Variants in TMCO4 observed in about 807,000 individuals in gnomAD.
TMCO4 encodes the protein transmembrane and coiled-coil domains 4, also known as transmembrane and coiled-coil domain-containing protein 4.
Under a neutral mutation model 64.7 loss-of-function variants are expected in TMCO4, and 58 were observed. That is an observed-to-expected ratio of 0.90 (90% CI 0.73 to 1.12). The LOEUF (loss-of-function observed/expected upper bound fraction) is 1.12. TMCO4 is among the 50% of genes most tolerant of loss of function. TMCO4 has a pLI of 0.00. For synonymous variants in TMCO4, 325 were observed against 346.1 expected, an observed-to-expected ratio of 0.94 and a Z score of 0.68; for missense variants, 780 against 825.9, an observed-to-expected ratio of 0.94 and a Z score of 0.68.
At chr1:19,738,690 C>T (rs976010316) in intron 12 of TMCO4, among the ~76,000 whole-genome samples, 20 of 152,216 alleles carry the variant, frequency 1.3e-4, no homozygotes, top group Admixed American at 1.1e-3. Context: ...TTGACAAAGA[C>T]GCAGGGATTG....
chr1:19,729,188 C>T lies in TMCO4; in HGVS notation c.1264+8184G>A, dbSNP rs751995708. ...TTTTTGAGACAGAATCTTGCTGTGT[C>T]GCCTAGGCTAGAGTACAGTGGCCCA... On this transcript the variant is annotated intron_variant, in intron 13 of 15. Transcript: ENST00000294543. Among the ~76,000 whole-genome samples the T allele has an allele frequency of 9.9e-5, 15 of 152,020 alleles. No individual in the cohort carries two copies. In the East Asian group the frequency reaches 2.0e-3, roughly 20 times the overall value.
intron 13 of TMCO4, among the ~76,000 whole-genome samples, chr1:19,713,709 TCAACAACAACAACAA>T (rs532380283): frequency 6.6e-6 from 1 of 150,918 alleles, no homozygotes; most frequent in Non-Finnish European, 1.5e-5. Context: ...TAAAAATATA[TCAACAACAACAACAA>T]CAACAACAAA....
intron 4 of TMCO4, among the ~76,000 whole-genome samples, chr1:19,774,713 A>G (rs571443801): frequency 3.9e-5 from 6 of 152,326 alleles, no homozygotes; most frequent in Non-Finnish European, 8.8e-5. Context: ...ACAATTGTAG[A>G]GCAACTGTCC....
chr1:19,698,915 G>A (rs955362987), intron 14 of TMCO4, among the ~76,000 whole-genome samples: 9 of 152,202 alleles, frequency 5.9e-5, no homozygotes, highest in South Asian at 2.1e-4. Flanking sequence ...AATCATGTGC[G>A]GCGGGGTGCA....
At chr1:19,705,761 G>A (rs770948066) in intron 13 of TMCO4, among the ~76,000 whole-genome samples, 47 of 151,252 alleles carry the variant, frequency 3.1e-4, no homozygotes, top group Non-Finnish European at 5.5e-4. Context: ...GGAAAAAGAC[G>A]ATACTGGCTG....
intron 7 of TMCO4, among the ~76,000 whole-genome samples, chr1:19,755,070 C>G (rs770943602): frequency 6.6e-6 from 1 of 152,118 alleles, no homozygotes; most frequent in African/African-American, 2.4e-5. Flanking sequence ...TGTCAGGGCC[C>G]CAGGATGTTA....
At chr1:19,751,837 A>G (rs2042034026) in intron 7 of TMCO4, among the ~76,000 whole-genome samples, 1 of 152,100 alleles carries the variant, frequency 6.6e-6, no homozygotes, top group Non-Finnish European at 1.5e-5. Flanking sequence ...TCACGAGGTC[A>G]GGAGATCGAG....
chr1:19,683,638 T>C (rs1035434618), intron 15 of TMCO4, among the ~76,000 whole-genome samples, 194 bp from the exon 16 acceptor site: 3 of 152,178 alleles, frequency 2.0e-5, no homozygotes, highest in Non-Finnish European at 4.4e-5. Flanking sequence ...AAAGCTGTTC[T>C]AGAATTTATT....
At chr1:19,745,951 C>T (rs1219433500) in intron 9 of TMCO4, among the ~76,000 whole-genome samples, 1 of 152,188 alleles carries the variant, frequency 6.6e-6, no homozygotes, top group Non-Finnish European at 1.5e-5. Flanking sequence ...CTCCTGCCCA[C>T]ACACCGCAGG....
chr1:19,735,882 G>A (rs1006248566), intron 13 of TMCO4, among the ~76,000 whole-genome samples: 2 of 152,196 alleles, frequency 1.3e-5, no homozygotes, highest in African/African-American at 4.8e-5. Context: ...GAAGCAAAAT[G>A]ATGACAGCAG....
chr1:19,697,025 T>C (rs1255570500), intron 14 of TMCO4, among the ~76,000 whole-genome samples: 2 of 152,230 alleles, frequency 1.3e-5, no homozygotes, highest in African/African-American at 4.8e-5. Flanking sequence ...CCTCAGGTTA[T>C]CTTAGCTTTC....
rs552239386 is a variant in TMCO4, at chr1:19,739,955, C to A, written c.1048G>T (p.Val350Leu). 42 of 1,612,570 alleles carry A rather than the reference C, an allele frequency of 2.6e-5. 1 individual carries two copies. The South Asian group carries it at 4.4e-4, about 17-fold the overall frequency. The stretch of plus-strand genomic sequence containing the variant: ...GAGGCTGGCCAGGTCAGGGCAGCCA[C>A]AATGCCTGGGGAGGTGAGATAGTGA... ...ALKYTVLSGI[V>L]AALTWPASLL... is the part of the protein sequence containing the mutation. Residue 350 changes from valine to leucine, a missense_variant, in exon 12 of 16, where the codon GTG (valine) becomes TTG (leucine). By Grantham distance (32) the Val-to-Leu change is conservative. Transcript: ENST00000294543.
At chr1:19,719,639 T>C (rs1454462520) in intron 13 of TMCO4, among the ~76,000 whole-genome samples, 1 of 152,018 alleles carries the variant, frequency 6.6e-6, no homozygotes, top group Non-Finnish European at 1.5e-5. Flanking sequence ...AATGATCCTC[T>C]GGACTCAGTC....
rs145902797 is a variant in TMCO4, at chr1:19,739,897, G to C, written c.1106C>G (p.Pro369Arg). ...LLSVANVIDN[P>R]WGVCLHRSAE... is the part of the protein sequence containing the mutation. ...TGATCGATGGAGACACACCCCCCAG[G>C]GGTTGTCGATGACATTGGCGACACT... The change falls in exon 12 of 16, where the codon CCC (proline) becomes CGC (arginine). Residue 369 changes from proline to arginine, a missense_variant. By Grantham distance (103) the Pro-to-Arg change is moderately radical. Coordinates refer to ENST00000294543, the MANE Select transcript of TMCO4 (RefSeq NM_181719.7). The C allele has an allele frequency of 6.2e-7, 1 of 1,614,036 alleles. No individual in the cohort carries two copies. The highest frequency in any genetic ancestry group is 1.3e-5 in the African/African-American group (1 of 75,034).
chr1:19,777,411 G>A (rs1180810873), intron 4 of TMCO4, among the ~76,000 whole-genome samples: 7 of 149,604 alleles, frequency 4.7e-5, no homozygotes, highest in East Asian at 2.0e-4. Context: ...GCAGTGGCAC[G>A]ATCACAGCTC....
chr1:19,780,068 T>G (rs1300878936), intron 4 of TMCO4, among the ~76,000 whole-genome samples: 1 of 152,044 alleles, frequency 6.6e-6, no homozygotes, highest in Non-Finnish European at 1.5e-5. Context: ...CCGGCGCAGG[T>G]AGGGTTCAGG....
chr1:19,699,656 T>C lies in TMCO4; in HGVS notation c.1382+1112A>G, dbSNP rs6661591. Among the ~76,000 whole-genome samples, 813 of 152,136 alleles carry C rather than the reference T, an allele frequency of 5.3e-3. 6 individuals carry two copies. Among genetic ancestry groups the C allele is most frequent in the African/African-American group, 0.018 (766 of 41,528 alleles). ...GCAACCTCCGCCTCCCAGGTTCAAG[T>C]GATTGTCCTGCCTCAGCCTCCCACC... On this transcript the variant is annotated intron_variant, in intron 14 of 15. Transcript: ENST00000294543.
At chr1:19,693,837 C>T (rs1010049661) in intron 15 of TMCO4, among the ~76,000 whole-genome samples, 6 of 152,266 alleles carry the variant, frequency 3.9e-5, no homozygotes, top group Admixed American at 6.5e-5. Flanking sequence ...AGCTGCTTCT[C>T]GCAGAAACAT....
In TMCO4 at chr1:19,740,796, T is replaced by C. The variant is rs750719488; in HGVS notation, c.1023A>G (p.Leu341=). The change falls in exon 11 of 16, where the codon CTA becomes CTG. Residue 341 remains leucine (L), a synonymous_variant. Coordinates refer to ENST00000294543, the MANE Select transcript of TMCO4 (RefSeq NM_181719.7). ...GLANMVAQEA[L]KYTVLSGIVA... ...ACTTACCAGACAACACTGTGTACTT[T>C]AGGGCCTCCTGGGCCACCATGTTGG... is the stretch of plus-strand genomic sequence containing the variant. The C allele has an allele frequency of 1.6e-5, 26 of 1,612,970 alleles. No homozygotes were observed. The South Asian group carries it at 2.8e-4, about 17-fold the overall frequency.
Sources: allele counts gnomAD v4.1 joint callset (sites outside exome capture counted in the v4.1 genomes callset), GRCh38; gene constraint gnomAD v4.1.1; transcripts MANE v1.5; gene names NCBI Gene and HGNC (gene_info 2026-07-23, HGNC 2026-07-21).